The following GRIN2B variants were observed in gnomAD, a reference collection of about 807,000 sequenced individuals.
The protein encoded by GRIN2B is glutamate receptor ionotropic, NMDA 2B.
Under a neutral mutation model 114.5 loss-of-function variants are expected in GRIN2B, and 5 were observed. The observed-to-expected ratio is 0.04, with a 90% confidence interval of 0.02 to 0.09. GRIN2B has a LOEUF of 0.09. GRIN2B is among the 10% of genes least tolerant of loss of function. The pLI is 1.00. For missense variants in GRIN2B, 1,108 were observed against 1,943.5 expected (o/e 0.57, Z 8.08); for synonymous variants, 787 against 745.1 (o/e 1.06, Z -0.92).
intron 5 of GRIN2B, among the ~76,000 whole-genome samples, chr12:13,634,644 C>G (rs1198470886): frequency 1.3e-5 from 2 of 152,148 alleles, no homozygotes; most frequent in Non-Finnish European, 2.9e-5. Context: ...CACACCTCAC[C>G]ATAAATGGGA....
chr12:13,596,878 A>G (rs1174917948), intron 10 of GRIN2B, among the ~76,000 whole-genome samples: 3 of 152,224 alleles, frequency 2.0e-5, no homozygotes, highest in Non-Finnish European at 4.4e-5. Context: ...GAATCCAAGA[A>G]GCCAGGCCAG....
chr12:13,863,264 C>T (rs1401906815), intron 3 of GRIN2B, among the ~76,000 whole-genome samples: 2 of 152,262 alleles, frequency 1.3e-5, no homozygotes, highest in Admixed American at 1.3e-4. Context: ...CATTTCATAC[C>T]CTTGTTATGT....
chr12:13,582,653 C>G (rs1050854297), intron 10 of GRIN2B, among the ~76,000 whole-genome samples: 3 of 152,066 alleles, frequency 2.0e-5, no homozygotes, highest in African/African-American at 7.2e-5. Flanking sequence ...TGTATCTTCA[C>G]AGCTCTGGAT....
At chr12:13,862,177 T>C (rs78772410) in intron 3 of GRIN2B, among the ~76,000 whole-genome samples, 7,358 of 152,310 alleles carry the variant, frequency 0.048, 213 homozygotes, top group Middle Eastern at 0.088. Context: ...AGCAGAGTGC[T>C]AATTAATGTT....
chr12:13,719,981 C>A (rs1490393345), intron 4 of GRIN2B, among the ~76,000 whole-genome samples: 1 of 151,944 alleles, frequency 6.6e-6, no homozygotes, highest in African/African-American at 2.4e-5. Flanking sequence ...AACAACTATC[C>A]CAAACCATGG....
upstream of GRIN2B, chr12:13,981,816 G>T (rs561962905): frequency 2.8e-3 from 428 of 152,812 alleles, 1 homozygote; most frequent in Non-Finnish European, 3.8e-3. Flanking sequence ...CACCGGGGAC[G>T]GGGGGAGGCG....
At chr12:13,599,653 A>G (rs1949127570) in intron 10 of GRIN2B, among the ~76,000 whole-genome samples, 1 of 152,236 alleles carries the variant, frequency 6.6e-6, no homozygotes, top group Non-Finnish European at 1.5e-5. Flanking sequence ...TCAGAAAAGA[A>G]TGTTGGGGAA....
chr12:13,954,664 T>C (rs1867552928), intron 2 of GRIN2B, among the ~76,000 whole-genome samples: 1 of 151,388 alleles, frequency 6.6e-6, no homozygotes, highest in South Asian at 2.1e-4. Context: ...ATAAAAAAAT[T>C]ACCTGGGTGC....
At chr12:13,657,515 T>G (rs1949877838) in intron 5 of GRIN2B, among the ~76,000 whole-genome samples, 1 of 152,162 alleles carries the variant, frequency 6.6e-6, no homozygotes, top group Admixed American at 6.5e-5. Context: ...AAGCAGGTGT[T>G]TGGTGTTCCC....
intron 3 of GRIN2B, among the ~76,000 whole-genome samples, chr12:13,787,579 C>T (rs982265765): frequency 1.3e-5 from 2 of 151,644 alleles, no homozygotes; most frequent in African/African-American, 2.4e-5. Flanking sequence ...ATCTCATGGG[C>T]GGAAGAAAAA....
intron 10 of GRIN2B, among the ~76,000 whole-genome samples, chr12:13,578,459 A>T (rs1445308849): frequency 3.3e-5 from 5 of 152,172 alleles, no homozygotes; most frequent in African/African-American, 1.2e-4. Context: ...AGGTGCTCCC[A>T]TCTCCAGTCC....
intron 4 of GRIN2B, among the ~76,000 whole-genome samples, chr12:13,693,384 T>C (rs979215067): frequency 3.3e-5 from 5 of 152,164 alleles, no homozygotes; most frequent in South Asian, 2.1e-4. Context: ...TATCAAAATA[T>C]GTATATATGT....
At chr12:13,711,227 T>C (rs1411067961) in intron 4 of GRIN2B, among the ~76,000 whole-genome samples, 1 of 151,544 alleles carries the variant, frequency 6.6e-6, no homozygotes, top group Non-Finnish European at 1.5e-5. Flanking sequence ...AAAAATTAAT[T>C]CAAGATGGAT....
At chr12:13,974,994 A>T (rs1363288545) in intron 2 of GRIN2B, among the ~76,000 whole-genome samples, 1 of 152,274 alleles carries the variant, frequency 6.6e-6, no homozygotes, top group Admixed American at 6.5e-5. Context: ...AAGAGAGCAC[A>T]GAATGAAAAG....
intron 4 of GRIN2B, among the ~76,000 whole-genome samples, chr12:13,684,584 C>T (rs1950160470): frequency 6.6e-6 from 1 of 152,126 alleles, no homozygotes; most frequent in Admixed American, 6.6e-5. Flanking sequence ...GGTAGAAATC[C>T]CCAGAGAGAA....
chr12:13,771,493 A>G (rs1298210892), intron 3 of GRIN2B, among the ~76,000 whole-genome samples: 1 of 152,234 alleles, frequency 6.6e-6, no homozygotes, highest in African/African-American at 2.4e-5. Flanking sequence ...TAAAAAAAAA[A>G]GAACTGGATT....
At chr12:13,859,488 C>T (rs1865717967) in intron 3 of GRIN2B, among the ~76,000 whole-genome samples, 1 of 152,204 alleles carries the variant, frequency 6.6e-6, no homozygotes, top group African/African-American at 2.4e-5. Flanking sequence ...GACAGAGCTA[C>T]ATCACTACAA....
chr12:13,832,587 C>T (rs534564210), intron 3 of GRIN2B, among the ~76,000 whole-genome samples: 6 of 152,170 alleles, frequency 3.9e-5, no homozygotes, highest in African/African-American at 1.2e-4. Flanking sequence ...TTTTAACCTG[C>T]CTTTTTCATG....
chr12:13,815,281 A>T (rs1864798186), intron 3 of GRIN2B, among the ~76,000 whole-genome samples: 1 of 152,176 alleles, frequency 6.6e-6, no homozygotes, highest in Non-Finnish European at 1.5e-5. Context: ...AGATGAATTC[A>T]ATGTATTGGT....
Sources: allele counts gnomAD v4.1 joint callset (sites outside exome capture counted in the v4.1 genomes callset), GRCh38; gene constraint gnomAD v4.1.1; transcripts MANE v1.5; gene names NCBI Gene and HGNC (gene_info 2026-07-23, HGNC 2026-07-21).